ATG7: variants seen among roughly 807,000 people sequenced by gnomAD.
ATG7 encodes the protein ubiquitin-like modifier-activating enzyme ATG7.
A neutral mutation model predicts 82.4 loss-of-function variants in ATG7; 70 were observed. The observed-to-expected ratio is 0.85, with a 90% CI of 0.70 to 1.04. The LOEUF (loss-of-function observed/expected upper bound fraction) is 1.04. ATG7 is among the 50% of genes least tolerant of loss of function. The pLI is 0.00. For synonymous variants in ATG7, 287 were observed against 313.0 expected (o/e 0.92, Z 0.88); for missense variants, 792 against 864.3 (o/e 0.92, Z 1.05).
chr3:11,548,238 T>C (rs995371754), intron 20 of ATG7, among the ~76,000 whole-genome samples: 1 of 152,200 alleles, frequency 6.6e-6, no homozygotes, highest in Non-Finnish European at 1.5e-5. Flanking sequence ...GGGGTCTCAC[T>C]ATGTTGCCCA....
At chr3:11,472,408 A>G (rs2087647110) in intron 20 of ATG7, among the ~76,000 whole-genome samples, 1 of 151,856 alleles carries the variant, frequency 6.6e-6, no homozygotes, top group South Asian at 2.1e-4. Context: ...TGACTCATCC[A>G]CCAGTGACCC....
intron 20 of ATG7, among the ~76,000 whole-genome samples, chr3:11,550,425 G>T (rs1289610045): frequency 6.6e-6 from 1 of 151,794 alleles, no homozygotes; most frequent in Non-Finnish European, 1.5e-5. Context: ...TTTGAGACAG[G>T]GTCTCACTCT....
chr3:11,479,055 G>A (rs980111103), intron 20 of ATG7, among the ~76,000 whole-genome samples: 1 of 140,814 alleles, frequency 7.1e-6, no homozygotes, highest in African/African-American at 2.5e-5. Context: ...TTTACTTTGT[G>A]GATACTGGCC....
chr3:11,379,975 C>G lies in ATG7; in HGVS notation c.1879C>G (p.Arg627Gly). 6.2e-7 allele frequency: 1 copy of G among 1,613,894 alleles called. No individual in the cohort carries two copies. Among genetic ancestry groups the G allele is most frequent in the Non-Finnish European group, 8.5e-7 (1 of 1,179,866 alleles). The change falls in exon 19 of 21, where the codon CGG (arginine) becomes GGG (glycine). Residue 627 changes from arginine to glycine, a missense_variant. Coordinates refer to ENST00000693202, the MANE Select transcript of ATG7 (RefSeq NM_001349232.2). ...GTTTTGTTTTGTTTGTTTTTAGATC[C>G]GGGGATTTCTTTCACGGTTTGATAA... ...TSLGLVPHQI[R>G]GFLSRFDNVL...
In ATG7 at chr3:11,336,666, T is replaced by A. The variant is rs539681619; in HGVS notation, c.889+3573T>A. On this transcript the variant is annotated intron_variant, in intron 11 of 20. Transcript: ENST00000693202. Reference sequence around the variant, plus strand: ...GTATAAGGAGTATTATTTTAAATTATTTTATTTTATTTTATTTTTTGAGAC... The same window carrying A: ...GTATAAGGAGTATTATTTTAAATTAATTTATTTTATTTTATTTTTTGAGAC... Among the ~76,000 whole-genome samples the A allele has an allele frequency of 1.2e-4, 18 of 152,194 alleles. No homozygotes were observed. In the South Asian group the frequency reaches 3.5e-3, roughly 30 times the overall value.
chr3:11,429,782 T>C (rs929819255), intron 20 of ATG7, among the ~76,000 whole-genome samples: 1 of 152,000 alleles, frequency 6.6e-6, no homozygotes. Context: ...ACCTCATCTC[T>C]ACTAAAAATA....
intron 20 of ATG7, among the ~76,000 whole-genome samples, chr3:11,516,470 C>A (rs1031642082): frequency 6.6e-6 from 1 of 152,138 alleles, no homozygotes; most frequent in African/African-American, 2.4e-5. Context: ...GAATGTGGAG[C>A]AACAGAAACT....
intron 19 of ATG7, among the ~76,000 whole-genome samples, chr3:11,380,916 A>G (rs1167298526): frequency 1.3e-5 from 2 of 152,176 alleles, no homozygotes; most frequent in Non-Finnish European, 2.9e-5. Flanking sequence ...GTATTTCTCT[A>G]TTCTGAGTTG....
intron 20 of ATG7, among the ~76,000 whole-genome samples, chr3:11,480,088 C>T (rs1338210656): frequency 6.6e-6 from 1 of 152,112 alleles, no homozygotes; most frequent in Non-Finnish European, 1.5e-5. Context: ...CCACCATGCT[C>T]AGCTAATTTT....
chr3:11,511,461 G>A (rs924579690), intron 20 of ATG7, among the ~76,000 whole-genome samples: 1 of 152,206 alleles, frequency 6.6e-6, no homozygotes, highest in Non-Finnish European at 1.5e-5. Flanking sequence ...GCTGATTGGT[G>A]TATTTGTAAT....
At chr3:11,523,162 G>T (rs1286993345) in intron 20 of ATG7, among the ~76,000 whole-genome samples, 1 of 152,196 alleles carries the variant, frequency 6.6e-6, no homozygotes, top group East Asian at 1.9e-4. Context: ...AGGTTGTAAG[G>T]ATTAGTCAGA....
intron 20 of ATG7, among the ~76,000 whole-genome samples, chr3:11,498,481 T>A (rs11128552): frequency 1.1e-4 from 17 of 152,030 alleles, no homozygotes; most frequent in South Asian, 4.1e-4. Context: ...GCCACCTGCC[T>A]CTACCTTCTC....
chr3:11,294,387 A>ATT (rs11391218), intron 3 of ATG7, among the ~76,000 whole-genome samples: 3 of 150,734 alleles, frequency 2.0e-5, no homozygotes, highest in Non-Finnish European at 3.0e-5. Flanking sequence ...CACCCGGCTA[A>ATT]TTTTTTTTTA....
chr3:11,570,818 G>A, the ATG7 span, among the ~76,000 whole-genome samples: 13 of 152,100 alleles, frequency 8.5e-5, no homozygotes, highest in Admixed American at 1.3e-4. Flanking sequence ...AAATGTCCCC[G>A]AGCTCATCCA....
chr3:11,423,634 G>A (rs2082123053), intron 19 of ATG7, among the ~76,000 whole-genome samples: 1 of 151,246 alleles, frequency 6.6e-6, no homozygotes, highest in South Asian at 2.1e-4. Flanking sequence ...TTTTTTCCAG[G>A]GGGTTAGGCT....
chr3:11,466,992 C>A (rs188093463), intron 20 of ATG7, among the ~76,000 whole-genome samples: 3 of 151,950 alleles, frequency 2.0e-5, no homozygotes. Context: ...GGTGTGGTGG[C>A]GGGCGCCTGT....
Position 11,363,010 on chromosome 3 carries a change from C to G in ATG7, c.1799+82C>G. 6 of 1,210,284 alleles carry G rather than the reference C, an allele frequency of 5.0e-6. No homozygotes were observed. In the East Asian group the frequency reaches 1.6e-4, roughly 32 times the overall value. The allele number at this position is 1,210,284 out of a possible 1,614,324, so 75.0% of individuals were successfully genotyped here. ...ATCAGTGTCTCCCATGGCCTTTTCT[C>G]AGTCTGACTTTACAGAGAATTTCAC... On this transcript the variant is annotated intron_variant, in intron 17 of 20. Coordinates refer to ENST00000693202, the MANE Select transcript of ATG7 (RefSeq NM_001349232.2).
intron 19 of ATG7, among the ~76,000 whole-genome samples, chr3:11,398,759 G>T (rs1301084729): frequency 2.0e-5 from 3 of 152,214 alleles, no homozygotes; most frequent in African/African-American, 7.2e-5. Context: ...GCTGAGATAG[G>T]AGGATTGCTT....
At chr3:11,419,610 A>T (rs2081746054) in intron 19 of ATG7, among the ~76,000 whole-genome samples, 1 of 152,182 alleles carries the variant, frequency 6.6e-6, no homozygotes, top group Non-Finnish European at 1.5e-5. Flanking sequence ...TGAATTGAAA[A>T]TCATTATATG....
Sources: allele counts gnomAD v4.1 joint callset (sites outside exome capture counted in the v4.1 genomes callset), GRCh38; gene constraint gnomAD v4.1.1; transcripts MANE v1.5; gene names NCBI Gene and HGNC (gene_info 2026-07-23, HGNC 2026-07-21).